The following ZDHHC14 variants were observed in gnomAD, a reference collection of about 807,000 sequenced individuals.
ZDHHC14 encodes the protein zDHHC palmitoyltransferase 14, also known as palmitoyltransferase ZDHHC14.
A neutral mutation model predicts 47.7 loss-of-function variants in ZDHHC14; 16 were observed. The observed-to-expected ratio is 0.34, with a 90% CI of 0.23 to 0.51. The LOEUF (loss-of-function observed/expected upper bound fraction) is 0.51. Ranked by LOEUF, ZDHHC14 falls within the 20% of genes least tolerant of loss-of-function variation. ZDHHC14 has a pLI of 0.97. For missense variants in ZDHHC14, 515 were observed against 662.5 expected (o/e 0.78, Z 2.44); for synonymous variants, 293 against 278.9 (o/e 1.05, Z -0.50).
chr6:157,535,179 T>C (rs1395878739), intron 1 of ZDHHC14, among the ~76,000 whole-genome samples: 1 of 152,142 alleles, frequency 6.6e-6, no homozygotes, highest in African/African-American at 2.4e-5. Flanking sequence ...TTGTCTCCCC[T>C]CCTCCGCTCT....
intron 2 of ZDHHC14, among the ~76,000 whole-genome samples, chr6:157,549,144 C>T (rs1782113669): frequency 6.6e-6 from 1 of 152,228 alleles, no homozygotes; most frequent in Non-Finnish European, 1.5e-5. Flanking sequence ...GCCTGAGGAG[C>T]CAGGCCCTGA....
chr6:157,601,008 G>A (rs1784317008), intron 3 of ZDHHC14, among the ~76,000 whole-genome samples: 1 of 152,246 alleles, frequency 6.6e-6, no homozygotes, highest in African/African-American at 2.4e-5. Flanking sequence ...ATGGAAGGCG[G>A]TGAATCCCGC....
intron 3 of ZDHHC14, among the ~76,000 whole-genome samples, chr6:157,622,080 T>C (rs1785213429): frequency 6.6e-6 from 1 of 151,986 alleles, no homozygotes; most frequent in Non-Finnish European, 1.5e-5. Context: ...TCCTTAATAA[T>C]ATTCTTTTCG....
chr6:157,652,794 C>T (rs1241970572), intron 7 of ZDHHC14, among the ~76,000 whole-genome samples: 1 of 152,170 alleles, frequency 6.6e-6, no homozygotes, highest in Non-Finnish European at 1.5e-5. Context: ...GGCTCTAATC[C>T]CCATCTCTGT....
intron 8 of ZDHHC14, among the ~76,000 whole-genome samples, chr6:157,672,213 A>G (rs955546880): frequency 6.6e-6 from 1 of 152,174 alleles, no homozygotes; most frequent in African/African-American, 2.4e-5. Flanking sequence ...CTGTGTGTCT[A>G]CACCGCACCT....
At chr6:157,670,971 G>A (rs1201484455) in intron 8 of ZDHHC14, among the ~76,000 whole-genome samples, 2 of 152,140 alleles carry the variant, frequency 1.3e-5, no homozygotes, top group South Asian at 2.1e-4. Flanking sequence ...TGAAATAAGT[G>A]CCTTAGGATC....
rs553288705 is a variant in ZDHHC14 at position 157,549,593 on chromosome 6, A to G, written c.406+6848A>G. The stretch of plus-strand genomic sequence containing the variant: ...GGATGCCAGGAAGTGGGGCAGTGAG[A>G]CTCCTGCACAAGGTCAGGGTGGCAG... On this transcript the variant is annotated intron_variant, in intron 2 of 8. Transcript: ENST00000359775. Among the ~76,000 whole-genome samples the G allele has an allele frequency of 5.9e-5, 9 of 152,084 alleles. No homozygotes were observed. The South Asian group carries it at 1.7e-3, about 28-fold the overall frequency.
intron 2 of ZDHHC14, among the ~76,000 whole-genome samples, chr6:157,569,543 C>G (rs1020754437): frequency 2.6e-5 from 4 of 152,054 alleles, no homozygotes; most frequent in Admixed American, 1.3e-4. Flanking sequence ...TGCAAATATT[C>G]TCACGTTTAT....
intron 1 of ZDHHC14, among the ~76,000 whole-genome samples, chr6:157,465,366 T>G (rs1190766497): frequency 6.6e-6 from 1 of 152,120 alleles, no homozygotes; most frequent in African/African-American, 2.4e-5. Context: ...AGAGCTTTTC[T>G]GAGAATTGTC....
intron 1 of ZDHHC14, among the ~76,000 whole-genome samples, chr6:157,492,206 G>GCGCCCCCCCCCCCC (rs1779940800): frequency 1.2e-5 from 1 of 82,482 alleles, no homozygotes; most frequent in African/African-American, 4.0e-5. Flanking sequence ...CTCCGCCCCC[G>GCGCCCCCCCCCCCC]CCCCCCAGCC....
chr6:157,593,015 G>T lies in ZDHHC14; in HGVS notation c.434G>T (p.Gly145Val), dbSNP rs1308251733. The T allele has an allele frequency of 3.1e-6, 5 of 1,613,902 alleles. No homozygotes were observed. The African/African-American group carries it at 5.3e-5, about 17-fold the overall frequency. ...IDIANGTSSG[G>V]YRPPPRTKEV... Reference sequence around the variant, plus strand: ...ATCGCAAACGGCACCAGTTCAGGGGGGTACCGCCCGCCTCCCAGAACCAAA... The same window carrying T: ...ATCGCAAACGGCACCAGTTCAGGGGTGTACCGCCCGCCTCCCAGAACCAAA... Residue 145 changes from glycine (G) to valine (V), a missense_variant, in exon 3 of 9, where the codon GGG becomes GTG. By Grantham distance (109) the Gly-to-Val change is moderately radical. Around this residue, in one of 4 missense-constraint regions of ZDHHC14, gnomAD observed 229 missense variants for 351.5 expected, o/e 0.65. Transcript: ENST00000359775.
intron 3 of ZDHHC14, among the ~76,000 whole-genome samples, chr6:157,597,738 G>A (rs1221787452): frequency 1.3e-5 from 2 of 152,254 alleles, no homozygotes; most frequent in Non-Finnish European, 2.9e-5. Flanking sequence ...GACGAAGGAA[G>A]TAGTACATGG....
intron 2 of ZDHHC14, among the ~76,000 whole-genome samples, chr6:157,558,382 C>G (rs1782565433): frequency 6.6e-6 from 1 of 152,180 alleles, no homozygotes; most frequent in South Asian, 2.1e-4. Flanking sequence ...CACAGGGAAA[C>G]TGTTCAAGAG....
chr6:157,553,517 T>G (rs773830779), intron 2 of ZDHHC14, among the ~76,000 whole-genome samples: 1 of 152,092 alleles, frequency 6.6e-6, no homozygotes, highest in African/African-American at 2.4e-5. Context: ...ATCTGTGATA[T>G]TACTGAGACT....
intron 2 of ZDHHC14, among the ~76,000 whole-genome samples, chr6:157,549,329 G>A (rs1393696691): frequency 1.3e-5 from 2 of 152,190 alleles, no homozygotes; most frequent in South Asian, 2.1e-4. Context: ...AGAACTTCGG[G>A]GAATTTCCAG....
chr6:157,396,208 A>G (rs1253434251), intron 1 of ZDHHC14, among the ~76,000 whole-genome samples: 1 of 152,062 alleles, frequency 6.6e-6, no homozygotes, highest in Non-Finnish European at 1.5e-5. Flanking sequence ...TGCTGTTGAC[A>G]TACCGAGGCC....
chr6:157,542,696 C>G lies in ZDHHC14; in HGVS notation c.357C>G (p.Val119=). ...LLRTSFSDPG[V]LPRATPDEAA... ...GCACCAGCTTCAGCGACCCCGGAGT[C>G]CTCCCACGAGCCACGCCTGATGAAG... Residue 119 remains valine (V), a synonymous_variant, in exon 2 of 9, where the codon GTC becomes GTG. Coordinates refer to ENST00000359775, the MANE Select transcript of ZDHHC14 (RefSeq NM_024630.3). 2 of 1,614,032 alleles carry G rather than the reference C, an allele frequency of 1.2e-6. No individual in the cohort carries two copies. The highest frequency in any genetic ancestry group is 1.7e-6 in the Non-Finnish European group (2 of 1,180,014).
At chr6:157,391,583 A>G (rs186547948) in intron 1 of ZDHHC14, among the ~76,000 whole-genome samples, 3 of 152,330 alleles carry the variant, frequency 2.0e-5, no homozygotes, top group Admixed American at 1.3e-4. Flanking sequence ...ATCATAATTC[A>G]TATGGCAGTC....
At chr6:157,420,612 GTGCGACTGAGT>G in intron 1 of ZDHHC14, among the ~76,000 whole-genome samples, 1 of 152,206 alleles carries the variant, frequency 6.6e-6, no homozygotes, top group African/African-American at 2.4e-5. Flanking sequence ...GCCATTACCA[GTGCGACTGAGT>G]GGCCTCGGTC....
Sources: allele counts gnomAD v4.1 joint callset (sites outside exome capture counted in the v4.1 genomes callset), GRCh38; gene constraint gnomAD v4.1.1; regional missense constraint gnomAD v4.1.1; transcripts MANE v1.5; gene names NCBI Gene and HGNC (gene_info 2026-07-23, HGNC 2026-07-21).